PER2: variants seen among roughly 807,000 people sequenced by gnomAD.
The protein encoded by PER2 is period circadian regulator 2, also known as period circadian protein homolog 2.
In PER2, 66 loss-of-function variants were observed where a neutral mutation model predicts 121.0. The ratio of observed to expected loss-of-function variants is 0.55; its 90% CI spans 0.45 to 0.67. The LOEUF is 0.67. PER2 is among the 30% of genes least tolerant of loss of function. The pLI, the probability that PER2 is intolerant of heterozygous loss-of-function variation, is 0.00. For synonymous variants in PER2, 684 were observed against 659.9 expected, an observed-to-expected ratio of 1.04 and a Z score of -0.56; for missense variants, 1,521 against 1,635.0, an observed-to-expected ratio of 0.93 and a Z score of 1.20.
At chr2:238,250,326 T>C (rs1411492552) in intron 21 of PER2, among the ~76,000 whole-genome samples, 3 of 152,236 alleles carry the variant, frequency 2.0e-5, no homozygotes, top group African/African-American at 7.2e-5. Flanking sequence ...AGGGTGTGAA[T>C]CCACATGGCC....
chr2:238,250,859 T>A (rs1456346178), intron 20 of PER2, 116 bp from the exon 21 acceptor site: 1 of 723,520 alleles, frequency 1.4e-6, no homozygotes, highest in East Asian at 2.7e-5. Context: ...TCTTAGGTAT[T>A]GGGTATCTAT....
chr2:238,262,869 C>T, intron 10 of PER2, 83 bp downstream of exon 10: 5 of 922,574 alleles, frequency 5.4e-6, no homozygotes, highest in Non-Finnish European at 8.8e-6. Flanking sequence ...CCTGTCAGAG[C>T]TAGACTGGTC....
intron 1 of PER2, among the ~76,000 whole-genome samples, chr2:238,278,876 C>T (rs1284852822): frequency 6.6e-6 from 1 of 152,224 alleles, no homozygotes; most frequent in African/African-American, 2.4e-5. Context: ...TGGTTGGGAG[C>T]TGCTGAGGCA....
At position 238,276,022 on chromosome 2, in the gene PER2, G is replaced by T. The variant is rs1282157588; in HGVS notation, c.294-125C>A. ...GATGTTCTGGTCTGGGTGGCCCTTT[G>T]TGGGGCTCTGTAGATTTTCTCAGCC... On this transcript the variant is annotated intron_variant, in intron 3 of 22. Coordinates refer to ENST00000254657, the MANE Select transcript of PER2 (RefSeq NM_022817.3). 1.8e-5 allele frequency: 12 copies of T among 666,034 alleles called. No homozygotes were observed. The Admixed American group carries it at 2.9e-4, about 16-fold the overall frequency. 41.3% of individuals were successfully genotyped at this position (666,034 alleles called of 1,614,324 possible). A position where few individuals can be genotyped will look rare whatever the true frequency, so the allele number is the denominator to read the frequency against.
At chr2:238,255,546 T>C (rs1188617973) in intron 18 of PER2, 111 bp downstream of exon 18, 1 of 1,122,932 alleles carries the variant, frequency 8.9e-7, no homozygotes, top group Non-Finnish European at 1.4e-6. Context: ...CTGTCTTATA[T>C]GTTAATGCTT....
chr2:238,286,751 A>G (rs1355353788), intron 1 of PER2, among the ~76,000 whole-genome samples: 1 of 152,282 alleles, frequency 6.6e-6, no homozygotes. Flanking sequence ...GACCTGACAG[A>G]GCCGTGGTTT....
chr2:238,286,040 C>A (rs1696773024), intron 1 of PER2, among the ~76,000 whole-genome samples: 1 of 152,066 alleles, frequency 6.6e-6, no homozygotes, highest in Admixed American at 6.5e-5. Flanking sequence ...AGGAGGTGCA[C>A]CGGGGAGGCA....
intron 8 of PER2, among the ~76,000 whole-genome samples, 182 bp from the exon 9 acceptor site, chr2:238,265,772 C>T (rs115640282): frequency 3.6e-4 from 55 of 152,304 alleles, no homozygotes; most frequent in Non-Finnish European, 5.6e-4. Context: ...GTTGTGGGAT[C>T]GTTGGCCAGC....
upstream of PER2, among the ~76,000 whole-genome samples, chr2:238,291,275 T>C (rs1170467277): frequency 6.6e-6 from 1 of 152,212 alleles, no homozygotes; most frequent in Non-Finnish European, 1.5e-5. Context: ...CCAGCCTGTT[T>C]CCACCAGTAA....
Position 238,246,344 on chromosome 2 carries a change from C to T in PER2, c.*31G>A, listed in dbSNP as rs1453890648. 14 of 1,553,248 alleles carry T rather than the reference C, an allele frequency of 9.0e-6. No individual in the cohort carries two copies. Among genetic ancestry groups the T allele is most frequent in the East Asian group, 4.6e-5 (2 of 43,916 alleles). On this transcript the variant is annotated 3_prime_UTR_variant, in exon 23 of 23. Coordinates refer to ENST00000254657, the MANE Select transcript of PER2 (RefSeq NM_022817.3). ...CTTCCAAGCACCACCTGGTGTACCTCGCTGGCTGCCGGGCTGAGGTGGGGC... is the reference window on the plus strand; with the variant it reads ...CTTCCAAGCACCACCTGGTGTACCTTGCTGGCTGCCGGGCTGAGGTGGGGC...
intron 5 of PER2, among the ~76,000 whole-genome samples, chr2:238,271,893 C>T (rs1467476952): frequency 6.6e-6 from 1 of 152,042 alleles, no homozygotes; most frequent in Non-Finnish European, 1.5e-5. Flanking sequence ...GGAAAGATGC[C>T]TGCCCCAAGA....
chr2:238,255,982 A>G, intron 17 of PER2, 71 bp from the exon 18 acceptor site: 4 of 1,557,120 alleles, frequency 2.6e-6, no homozygotes, highest in East Asian at 4.5e-5. Context: ...CACTATATTC[A>G]CGAACAAGAC....
chr2:238,255,514 G>A lies in PER2; in HGVS notation c.2320+143C>T, dbSNP rs183483727. On this transcript the variant is annotated intron_variant, in intron 18 of 22. Transcript: ENST00000254657. ...GGGAAGTTCTACAGAAACAGATGGC[G>A]TTGCCAGGGAAGTTCCAACAGCTGT... 314 of 862,130 alleles carry A rather than the reference G, an allele frequency of 3.6e-4. 2 individuals are homozygous for A. Among genetic ancestry groups the A allele is most frequent in the East Asian group, 3.6e-4 (15 of 41,398 alleles). The allele number at this position is 862,130 out of a possible 1,614,324, so 53.4% of individuals were successfully genotyped here. A position where few individuals can be genotyped will look rare whatever the true frequency, so the allele number is the denominator to read the frequency against.
chr2:238,281,696 C>A (rs576256040), intron 1 of PER2, among the ~76,000 whole-genome samples: 1 of 152,324 alleles, frequency 6.6e-6, no homozygotes, highest in South Asian at 2.1e-4. Flanking sequence ...TCTTGCCCAT[C>A]AGGTTGCCAA....
Position 238,277,810 on chromosome 2 carries a change from T to C in PER2, c.127A>G (p.Thr43Ala), listed in dbSNP as rs754745652. ...DMSSGSSGHETNENCSTGRDS... is the reference protein window; with the variant it reads ...DMSSGSSGHEANENCSTGRDS... ...CGCCCCGTGGAGCAGTTTTCGTTGG[T>C]CTCATGTCCACTGGAGCCACTGCTC... Residue 43 changes from threonine to alanine, a missense_variant, in exon 2 of 23, where the codon ACC becomes GCC. Physicochemically the swap from Thr to Ala is moderately conservative, Grantham distance 58. Transcript: ENST00000254657. The C allele has an allele frequency of 5.0e-6, 8 of 1,614,058 alleles. No individual in the cohort carries two copies. In the African/African-American group the frequency reaches 9.3e-5, roughly 19 times the overall value.
At position 238,250,338 on chromosome 2, in the gene PER2, C is replaced by T. The variant is rs58148506; in HGVS notation, c.3467+213G>A. ...TGTAGGGTGTGAATCCACATGGCCC[C>T]GGCTTATCCTGGCCACACTGCAGGG... On this transcript the variant is annotated intron_variant, in intron 21 of 22. Coordinates refer to ENST00000254657, the MANE Select transcript of PER2 (RefSeq NM_022817.3). Among the ~76,000 whole-genome samples the T allele has an allele frequency of 9.1e-3, 1,388 of 152,370 alleles. 23 individuals carry two copies. The highest frequency in any genetic ancestry group is 0.031 in the African/African-American group (1,299 of 41,582).
rs1695394396 is a variant in PER2 at position 238,244,548 on chromosome 2, G to A, written c.*1827C>T. ...CTTCATGATCTGACTTTAGAGGCAA[G>A]GAGTTTGTAACATCTAATGGCCATA... is the stretch of plus-strand genomic sequence containing the variant. On this transcript the variant is annotated 3_prime_UTR_variant, in exon 23 of 23. Transcript: ENST00000254657. 1 of 152,242 alleles carries A rather than the reference G, an allele frequency of 6.6e-6. No individual in the cohort carries two copies. Among genetic ancestry groups the A allele is most frequent in the Non-Finnish European group, 1.5e-5 (1 of 68,050 alleles). 9.4% of individuals were successfully genotyped at this position (152,242 alleles called of 1,614,324 possible). A position where few individuals can be genotyped will look rare whatever the true frequency, so the allele number is the denominator to read the frequency against.
intron 22 of PER2, among the ~76,000 whole-genome samples, chr2:238,247,067 A>C (rs1695469493): frequency 6.6e-6 from 1 of 152,234 alleles, no homozygotes; most frequent in African/African-American, 2.4e-5. Flanking sequence ...CTGGACATTC[A>C]CAGCAGGCCA....
chr2:238,252,377 G>A lies in PER2; in HGVS notation c.3111+535C>T, dbSNP rs989732939. On this transcript the variant is annotated intron_variant, in intron 19 of 22. Transcript: ENST00000254657. This position sits in a 1 kb window ranked among gnomAD's most constrained non-coding sequence, Gnocchi z 4.2. ...CTGGCGTTCCCACACACTTGAGCTCGTTCAGAAACACAAGCGTTTAACTGC... is the reference window on the plus strand; with the variant it reads ...CTGGCGTTCCCACACACTTGAGCTCATTCAGAAACACAAGCGTTTAACTGC... 5.3e-5 allele frequency among the ~76,000 whole-genome samples: 8 copies of A among 152,218 alleles called. No individual in the cohort carries two copies. Among genetic ancestry groups the A allele is most frequent in the African/African-American group, 1.7e-4 (7 of 41,448 alleles).
Sources: gnomAD v4.1 joint callset for allele counts (sites outside exome capture counted in the v4.1 genomes callset) on GRCh38, gnomAD v4.1.1 for gene constraint, Gnocchi (gnomAD v3.1) non-coding constraint, MANE v1.5 for transcripts, NCBI Gene and HGNC (gene_info 2026-07-23, HGNC 2026-07-21) for gene names.